Variants in CSMD1 observed in about 807,000 individuals in gnomAD.
The protein encoded by CSMD1 is CUB and Sushi multiple domains 1.
In CSMD1, 213 loss-of-function variants were observed where a neutral mutation model predicts 417.5. The ratio of observed to expected loss-of-function variants is 0.51; its 90% CI spans 0.46 to 0.57. The LOEUF (loss-of-function observed/expected upper bound fraction) is 0.57, where lower values mean the gene tolerates loss of function less well. Ranked by LOEUF, CSMD1 falls within the 20% of genes least tolerant of loss-of-function variation. The pLI is 0.00. For missense variants in CSMD1, 6,923 were observed against 4,529.7 expected, an observed-to-expected ratio of 1.53 and a Z score of -15.17; for synonymous variants, 2,862 against 1,736.8, an observed-to-expected ratio of 1.65 and a Z score of -16.11.
chr8:3,881,617 A>AAC (rs1554472605), intron 5 of CSMD1, among the ~76,000 whole-genome samples: 53 of 144,318 alleles, frequency 3.7e-4, no homozygotes, highest in African/African-American at 1.5e-3. Flanking sequence ...TCAAAAAAAA[A>AAC]AAAAACAAAA....
intron 5 of CSMD1, among the ~76,000 whole-genome samples, chr8:3,934,971 C>T (rs774166504): frequency 2.6e-4 from 39 of 152,216 alleles, no homozygotes; most frequent in African/African-American, 8.7e-4. Context: ...ACTAACCAGG[C>T]ACCCAGATCT....
At chr8:3,306,546 T>C (rs79813289) in intron 25 of CSMD1, among the ~76,000 whole-genome samples, 9,138 of 152,200 alleles carry the variant, frequency 0.06, 880 homozygotes, top group African/African-American at 0.2. Context: ...ATTTAGTCTT[T>C]TGTGGGTATA....
At chr8:3,188,789 G>T in intron 35 of CSMD1, 98 bp downstream of exon 35, 1 of 1,058,398 alleles carries the variant, frequency 9.4e-7, no homozygotes, top group Non-Finnish European at 1.3e-6. Flanking sequence ...GAGGGAGAGA[G>T]AGAGAGATGG....
intron 3 of CSMD1, among the ~76,000 whole-genome samples, chr8:4,377,147 G>A (rs991086563): frequency 2.0e-5 from 3 of 152,008 alleles, no homozygotes; most frequent in South Asian, 2.1e-4. Flanking sequence ...TCATTTTTAT[G>A]TGTTTTAAAC....
At chr8:3,065,300 TAGGTAGATAGATAGATAGACAGAC>T in intron 49 of CSMD1, among the ~76,000 whole-genome samples, 1 of 131,928 alleles carries the variant, frequency 7.6e-6, no homozygotes, top group African/African-American at 2.7e-5. Flanking sequence ...GATAGATAGA[TAGGTAGATAGATAGATAGACAGAC>T]AGACAACAGA....
chr8:3,111,534 C>G (rs1841352), intron 42 of CSMD1, among the ~76,000 whole-genome samples: 148,760 of 152,252 alleles, frequency 0.98, 72,693 homozygotes, highest in African/African-American at 0.99. Flanking sequence ...CTTGTCATCT[C>G]TAAAATGGGA....
chr8:3,583,455 A>T (rs1584921132), intron 9 of CSMD1, among the ~76,000 whole-genome samples: 1 of 151,900 alleles, frequency 6.6e-6, no homozygotes, highest in East Asian at 1.9e-4. Flanking sequence ...ATTCCTGGAA[A>T]CCGAAAGAGG....
intron 12 of CSMD1, among the ~76,000 whole-genome samples, chr8:3,413,762 A>T (rs1812958609): frequency 6.6e-6 from 1 of 152,196 alleles, no homozygotes; most frequent in Non-Finnish European, 1.5e-5. Flanking sequence ...GAAGATGAGT[A>T]AGATACTGTT....
intron 10 of CSMD1, among the ~76,000 whole-genome samples, chr8:3,495,556 A>G (rs1191805549): frequency 6.6e-6 from 1 of 152,338 alleles, no homozygotes; most frequent in East Asian, 1.9e-4. Flanking sequence ...GTCAAACACC[A>G]ATCTTTACTC....
At chr8:3,539,192 T>G (rs1242794868) in intron 10 of CSMD1, among the ~76,000 whole-genome samples, 1 of 152,138 alleles carries the variant, frequency 6.6e-6, no homozygotes, top group Non-Finnish European at 1.5e-5. Context: ...TTGCTGTAAT[T>G]TAGGTCTGGA....
intron 2 of CSMD1, among the ~76,000 whole-genome samples, chr8:4,586,118 G>A (rs528158715): frequency 6.6e-6 from 1 of 152,110 alleles, no homozygotes; most frequent in Non-Finnish European, 1.5e-5. Flanking sequence ...AGGGTAATTG[G>A]CTATCCATCT....
Position 3,487,205 on chromosome 8 carries a change from A to ATT in CSMD1, c.1448+6416_1448+6417dup, listed in dbSNP as rs199659452. ...TGATGTATTATCAGCATACTTTTTTATTTATTTAGTTTTTGAGACAGAGTC... is the reference window on the plus strand; with the variant it reads ...TGATGTATTATCAGCATACTTTTTTATTTTTATTTAGTTTTTGAGACAGAGTC... On this transcript the variant is annotated intron_variant, in intron 11 of 69. Coordinates refer to ENST00000635120, the MANE Select transcript of CSMD1 (RefSeq NM_033225.6). 4.3e-3 allele frequency among the ~76,000 whole-genome samples: 610 copies of ATT among 142,682 alleles called. 2 individuals carry two copies. Among genetic ancestry groups the ATT allele is most frequent in the African/African-American group, 0.015 (579 of 38,320 alleles). 93.6% of individuals were successfully genotyped at this position (142,682 alleles called of 152,430 possible).
intron 3 of CSMD1, among the ~76,000 whole-genome samples, chr8:4,252,931 C>T (rs1046268449): frequency 2.6e-5 from 4 of 152,194 alleles, no homozygotes; most frequent in African/African-American, 9.6e-5. Context: ...CCCATGGCAG[C>T]AGAACACACC....
chr8:4,818,634 A>T (rs955197598), intron 1 of CSMD1, among the ~76,000 whole-genome samples: 1 of 152,200 alleles, frequency 6.6e-6, no homozygotes, highest in African/African-American at 2.4e-5. Flanking sequence ...GTGCCAGTAA[A>T]AGGAAATAAT....
intron 8 of CSMD1, among the ~76,000 whole-genome samples, chr8:3,595,517 T>G (rs1004639789): frequency 3.3e-5 from 5 of 152,288 alleles, no homozygotes; most frequent in African/African-American, 1.2e-4. Flanking sequence ...GAAAGGAAAC[T>G]AATATTTTAT....
intron 1 of CSMD1, among the ~76,000 whole-genome samples, chr8:4,876,480 T>G (rs550606857): frequency 2.6e-4 from 39 of 152,276 alleles, no homozygotes; most frequent in Admixed American, 2.2e-3. Flanking sequence ...TACACTTAGT[T>G]ATTGGAATTA....
intron 46 of CSMD1, among the ~76,000 whole-genome samples, chr8:3,101,146 G>A (rs1324576747): frequency 2.0e-5 from 3 of 150,670 alleles, no homozygotes; most frequent in Admixed American, 2.0e-4. Context: ...TGACGTTGAA[G>A]ACCTTTAAAG....
At chr8:3,983,510 G>A (rs902924416) in intron 5 of CSMD1, among the ~76,000 whole-genome samples, 1 of 152,144 alleles carries the variant, frequency 6.6e-6, no homozygotes, top group South Asian at 2.1e-4. Context: ...ACAGGACTTG[G>A]GACAGGAAAC....
At chr8:4,041,626 A>G (rs1372558141) in intron 3 of CSMD1, among the ~76,000 whole-genome samples, 1 of 152,202 alleles carries the variant, frequency 6.6e-6, no homozygotes, top group Non-Finnish European at 1.5e-5. Flanking sequence ...AAAAGTAAGA[A>G]GATATCCATA....
Sources: gnomAD v4.1 joint callset for allele counts (sites outside exome capture counted in the v4.1 genomes callset) on GRCh38, gnomAD v4.1.1 for gene constraint, MANE v1.5 for transcripts, NCBI Gene and HGNC (gene_info 2026-07-23, HGNC 2026-07-21) for gene names.